Variants in HS6ST2 observed in about 807,000 individuals in gnomAD.
The protein encoded by HS6ST2 is heparan sulfate 6-O-sulfotransferase 2.
HS6ST2 carries 17 observed loss-of-function variants against 33.0 expected under a neutral mutation model. That is an observed-to-expected ratio of 0.52 (90% CI 0.35 to 0.77). The LOEUF is 0.77. Ranked by LOEUF, HS6ST2 falls within the 30% of genes least tolerant of loss-of-function variation. The pLI, the probability that HS6ST2 is intolerant of heterozygous loss-of-function variation, is 0.01. For synonymous variants in HS6ST2, 248 were observed against 237.1 expected (o/e 1.05, Z -0.42); for missense variants, 519 against 551.7 (o/e 0.94, Z 0.59).
chrX:132,818,650 T>C (rs780976775), intron 2 of HS6ST2, among the ~76,000 whole-genome samples: 1 of 112,264 alleles, frequency 8.9e-6, no homozygotes, highest in East Asian at 2.8e-4. Context: ...GGGCTTGCTG[T>C]GGAAGAGCAA....
chrX:132,642,384 A>T (rs1486296006), intron 4 of HS6ST2, among the ~76,000 whole-genome samples: 21 of 111,056 alleles, frequency 1.9e-4, no homozygotes, highest in African/African-American at 6.2e-4. Flanking sequence ...GTTGATTTTA[A>T]TGAGCTCTAA....
intron 2 of HS6ST2, among the ~76,000 whole-genome samples, chrX:132,881,235 TC>T (rs1255576331): frequency 1.7e-3 from 189 of 110,460 alleles, no homozygotes; most frequent in Non-Finnish European, 2.9e-3. Context: ...TAGTTTACAG[TC>T]CCACCAACAG....
intron 3 of HS6ST2, among the ~76,000 whole-genome samples, chrX:132,681,138 A>G (rs1261168827): frequency 3.6e-5 from 4 of 111,709 alleles, no homozygotes; most frequent in African/African-American, 1.3e-4. Context: ...AGCCTTTGTA[A>G]TTACATGCAA....
At chrX:132,803,362 G>A (rs1332322208) in intron 2 of HS6ST2, among the ~76,000 whole-genome samples, 3 of 111,572 alleles carry the variant, frequency 2.7e-5, no homozygotes, top group Non-Finnish European at 5.6e-5. Context: ...TATAGAAGTT[G>A]ACATGCATGG....
At chrX:132,684,307 G>GTA (rs1246438899) in intron 3 of HS6ST2, among the ~76,000 whole-genome samples, 1 of 100,936 alleles carries the variant, frequency 9.9e-6, no homozygotes, top group African/African-American at 3.6e-5. Flanking sequence ...ACACATATAT[G>GTA]TATATATATG....
intron 2 of HS6ST2, among the ~76,000 whole-genome samples, chrX:132,946,534 G>A (rs950582561): frequency 2.7e-5 from 3 of 111,293 alleles, no homozygotes; most frequent in South Asian, 3.8e-4. Flanking sequence ...ACCAAACACC[G>A]CATGTTCTCA....
At chrX:132,634,901 A>T (rs983896560) in intron 4 of HS6ST2, among the ~76,000 whole-genome samples, 1 of 111,465 alleles carries the variant, frequency 9.0e-6, no homozygotes, top group Admixed American at 9.5e-5. Context: ...CAAGTGAGGC[A>T]TGCTTAATCG....
chrX:132,829,199 T>TATATATATATATATAC (rs55664940), intron 2 of HS6ST2, among the ~76,000 whole-genome samples: 2 of 73,289 alleles, frequency 2.7e-5, no homozygotes, highest in African/African-American at 1.2e-4. Flanking sequence ...TATATATATA[T>TATATATATATATATAC]ACATACTTAT....
chrX:132,789,298 G>T (rs2065095246), intron 2 of HS6ST2, among the ~76,000 whole-genome samples: 1 of 111,325 alleles, frequency 9.0e-6, no homozygotes, highest in Non-Finnish European at 1.9e-5. Flanking sequence ...AATCTACTCA[G>T]TCAGTAATCT....
chrX:132,931,117 T>A lies in HS6ST2; in HGVS notation c.947+25691A>T, dbSNP rs189186074. Among the ~76,000 whole-genome samples the A allele has an allele frequency of 3.6e-5, 4 of 111,871 alleles. No homozygotes were observed. In the East Asian group the frequency reaches 1.1e-3, roughly 31 times the overall value. On this transcript the variant is annotated intron_variant, in intron 2 of 4. Transcript: ENST00000370833. ...CATATAGCAAATAAGGAAAGATTTA[T>A]TCAAGGAAGTCTACTAACCTTTGGT... is the stretch of plus-strand genomic sequence containing the variant.
chrX:132,777,952 A>T (rs1487876177), intron 2 of HS6ST2, among the ~76,000 whole-genome samples: 1 of 111,967 alleles, frequency 8.9e-6, no homozygotes, highest in African/African-American at 3.2e-5. Flanking sequence ...AACAGAATAT[A>T]GACAATTAAT....
intron 2 of HS6ST2, among the ~76,000 whole-genome samples, chrX:132,802,488 G>A (rs2065243721): frequency 9.0e-6 from 1 of 111,596 alleles, no homozygotes. Context: ...CTGTAAAGTA[G>A]TAACACTTTT....
At chrX:132,899,129 G>A (rs1181528696) in intron 2 of HS6ST2, among the ~76,000 whole-genome samples, 2 of 111,375 alleles carry the variant, frequency 1.8e-5, no homozygotes, top group Admixed American at 1.9e-4. Context: ...AGCCTCAAAA[G>A]GATCAAACTG....
At chrX:132,933,655 C>T (rs1429996970) in intron 2 of HS6ST2, among the ~76,000 whole-genome samples, 12 of 111,359 alleles carry the variant, frequency 1.1e-4, no homozygotes, top group Non-Finnish European at 2.3e-4. Context: ...AAAAGAGATC[C>T]TAACACAGAC....
chrX:132,848,029 G>T (rs1032803289), intron 2 of HS6ST2, among the ~76,000 whole-genome samples: 1 of 112,402 alleles, frequency 8.9e-6, no homozygotes, highest in Non-Finnish European at 1.9e-5. Flanking sequence ...TGGTGCATCA[G>T]ATGGGGGTGG....
At chrX:132,892,630 C>G (rs964189456) in intron 2 of HS6ST2, among the ~76,000 whole-genome samples, 7 of 111,907 alleles carry the variant, frequency 6.3e-5, no homozygotes, top group Admixed American at 5.7e-4. Flanking sequence ...ACCAGCCTGG[C>G]CAATATGGTG....
intron 2 of HS6ST2, among the ~76,000 whole-genome samples, chrX:132,935,694 G>A (rs963380998): frequency 2.7e-5 from 3 of 110,629 alleles, no homozygotes; most frequent in African/African-American, 6.6e-5. Context: ...ATTGACAAAC[G>A]TGAAAAATTA....
At chrX:132,687,469 T>C (rs1569481024) in intron 3 of HS6ST2, among the ~76,000 whole-genome samples, 1 of 110,457 alleles carries the variant, frequency 9.1e-6, no homozygotes, top group Non-Finnish European at 1.9e-5. Context: ...AATATAAACA[T>C]TTATTGGCCC....
At chrX:132,836,424 AG>A (rs1165565801) in intron 2 of HS6ST2, among the ~76,000 whole-genome samples, 1 of 112,894 alleles carries the variant, frequency 8.9e-6, no homozygotes, top group Non-Finnish European at 1.9e-5. Context: ...TTGCTAGGGC[AG>A]GGGGCCCCTG....
Sources: gnomAD v4.1 joint callset for allele counts (sites outside exome capture counted in the v4.1 genomes callset) on GRCh38, gnomAD v4.1.1 for gene constraint, MANE v1.5 for transcripts, NCBI Gene and HGNC (gene_info 2026-07-23, HGNC 2026-07-21) for gene names.